MVP: variants seen among roughly 807,000 people sequenced by gnomAD.
MVP encodes lung resistance-related protein.
MVP carries 62 observed loss-of-function variants against 83.5 expected under a neutral mutation model. The observed-to-expected ratio is 0.74, with a 90% CI of 0.61 to 0.92. The LOEUF (loss-of-function observed/expected upper bound fraction) is 0.92, where lower values mean the gene tolerates loss of function less well. Among genes scored for constraint, MVP ranks in the 40% least tolerant of loss-of-function variants. MVP has a pLI of 0.00. For missense variants in MVP, 1,000 were observed against 1,203.4 expected (o/e 0.83, Z 2.50); for synonymous variants, 505 against 504.1 (o/e 1.00, Z -0.02).
chr16:29,831,487 C>T (rs1291931296), intron 3 of MVP, among the ~76,000 whole-genome samples: 1 of 152,102 alleles, frequency 6.6e-6, no homozygotes, highest in Non-Finnish European at 1.5e-5. Flanking sequence ...CAAACCAGGG[C>T]AGTGGGAGGG....
At chr16:29,831,552 T>C (rs2067442413) in intron 3 of MVP, 1 of 454,024 alleles carries the variant, frequency 2.2e-6, no homozygotes. Flanking sequence ...TCACTGTACC[T>C]CCACTCACCT....
intron 1 of MVP, among the ~76,000 whole-genome samples, chr16:29,824,206 C>T (rs1389468012): frequency 2.3e-5 from 2 of 85,924 alleles, no homozygotes; most frequent in Non-Finnish European, 4.2e-5. Context: ...CACGAAACTC[C>T]ATCTCAAAAA....
At chr16:29,826,818 T>C (rs1324532066) in intron 1 of MVP, among the ~76,000 whole-genome samples, 2 of 150,966 alleles carry the variant, frequency 1.3e-5, no homozygotes, top group Non-Finnish European at 2.9e-5. Context: ...TCCCAGCTAC[T>C]TGGGAGGCTG....
At chr16:29,842,162 TTGGGAGGC>T (rs753664270) in intron 10 of MVP, 50 bp downstream of exon 10, 28 of 1,535,296 alleles carry the variant, frequency 1.8e-5, no homozygotes, top group Non-Finnish European at 2.5e-5. Flanking sequence ...TCCCAGCACT[TTGGGAGGC>T]TGAGGTGGGA....
intron 3 of MVP, 63 bp downstream of exon 3, chr16:29,831,136 T>C: frequency 7.1e-7 from 1 of 1,416,948 alleles, no homozygotes. Context: ...TTGGGCTCTA[T>C]ACTGCTGCCT....
chr16:29,830,648 G>A lies in MVP; in HGVS notation c.99G>A (p.Lys33=), dbSNP rs1329359251. The change falls in exon 2 of 15, where the codon AAG becomes AAA. Residue 33 remains lysine (K), a synonymous_variant. Coordinates refer to ENST00000357402, the MANE Select transcript of MVP (RefSeq NM_005115.5). ...SNVSRVEVGP[K]TYIRQDNERV... is the part of the protein sequence containing the mutation. ...TGTCCCGTGTGGAGGTCGGGCCAAA[G>A]ACCTACATCCGGCAGGACAATGAGA... 1 of 1,613,600 alleles carries A rather than the reference G, an allele frequency of 6.2e-7. No homozygotes were observed. The highest frequency in any genetic ancestry group is 1.1e-5 in the South Asian group (1 of 91,066).
intron 1 of MVP, among the ~76,000 whole-genome samples, chr16:29,827,354 G>T (rs1160747467): frequency 6.6e-6 from 1 of 152,210 alleles, no homozygotes. Flanking sequence ...TCAGAATGAG[G>T]CAAGGCAGTG....
At chr16:29,847,074 C>T (rs2067591093) in intron 13 of MVP, 123 bp from the exon 14 acceptor site, 1 of 1,107,646 alleles carries the variant, frequency 9.0e-7, no homozygotes, top group Non-Finnish European at 1.3e-6. Flanking sequence ...CCTGTAGTCC[C>T]AGCTACCCAG....
chr16:29,841,031 T>C lies in MVP; in HGVS notation c.1192-565T>C, dbSNP rs968199144. Among the ~76,000 whole-genome samples the C allele has an allele frequency of 2.6e-5, 4 of 151,980 alleles. No homozygotes were observed. Among genetic ancestry groups the C allele is most frequent in the Non-Finnish European group, 4.4e-5 (3 of 67,980 alleles). ...AGACCTGGTTTCCAGCATAAAGGTCTGATGGGGTGGCCAGGGAACAGGAAG... is the reference window on the plus strand; with the variant it reads ...AGACCTGGTTTCCAGCATAAAGGTCCGATGGGGTGGCCAGGGAACAGGAAG... On this transcript the variant is annotated intron_variant, in intron 8 of 14. Transcript: ENST00000357402. The surrounding 1 kb of genome is among the most constrained non-coding windows in gnomAD (Gnocchi z 4.7).
rs1214676521 is a variant in MVP, at chr16:29,841,989, G to C, written c.1511G>C (p.Arg504Pro). Residue 504 changes from arginine to proline, a missense_variant, in exon 10 of 15, where the codon CGG becomes CCG. Arg to Pro is a moderately radical substitution (Grantham distance 103, BLOSUM62 -2). Coordinates refer to ENST00000357402, the MANE Select transcript of MVP (RefSeq NM_005115.5). The surrounding 1 kb of genome is among the most constrained non-coding windows in gnomAD (Gnocchi z 4.7). ...ACAGTGTTGTCCCTCTCAGCTGGGC[G>C]GCCCAAGCGTCCCCATGCCCGCCGT... ...QFTVLSLSAGRPKRPHARRAL... is the reference protein window; with the variant it reads ...QFTVLSLSAGPPKRPHARRAL... The C allele has an allele frequency of 6.2e-7, 1 of 1,612,444 alleles. No individual in the cohort carries two copies. Among genetic ancestry groups the C allele is most frequent in the Non-Finnish European group, 8.5e-7 (1 of 1,180,046 alleles).
In MVP at chr16:29,847,939, C is replaced by A. The variant is rs1261179969; in HGVS notation, c.2632C>A (p.Gln878Lys). ...PGEGISPQSA[Q>K]APQAPGDNHV... Reference sequence around the variant, plus strand: ...GGAGGGGATATCCCCCCAGTCTGCTCAGGCCCCTCAAGCTCCTGGAGACAA... The same window carrying A: ...GGAGGGGATATCCCCCCAGTCTGCTAAGGCCCCTCAAGCTCCTGGAGACAA... Residue 878 changes from glutamine to lysine, a missense_variant, in exon 15 of 15, where the codon CAG becomes AAG. Physicochemically the swap from Gln to Lys is moderately conservative, Grantham distance 53. Coordinates refer to ENST00000357402, the MANE Select transcript of MVP (RefSeq NM_005115.5). 1 of 1,612,338 alleles carries A rather than the reference C, an allele frequency of 6.2e-7. No individual in the cohort carries two copies. The highest frequency in any genetic ancestry group is 1.3e-5 in the African/African-American group (1 of 74,828).
intron 1 of MVP, among the ~76,000 whole-genome samples, chr16:29,827,067 AAAGAC>A (rs1300132552): frequency 6.6e-6 from 1 of 152,152 alleles, no homozygotes; most frequent in Admixed American, 6.6e-5. Flanking sequence ...TATAGGAAGA[AAAGAC>A]AAGGTCCCCA....
At chr16:29,834,798 G>C (rs1213005045) in intron 5 of MVP, 1 of 149,772 alleles carries the variant, frequency 6.7e-6, no homozygotes, top group African/African-American at 2.5e-5. Context: ...CCATTCTCCT[G>C]CCTCAGCCTC....
Position 29,845,906 on chromosome 16 carries a change from G to A in MVP, c.2065G>A (p.Glu689Lys). 1 of 1,614,150 alleles carries A rather than the reference G, an allele frequency of 6.2e-7. No homozygotes were observed. Among genetic ancestry groups the A allele is most frequent in the Non-Finnish European group, 8.5e-7 (1 of 1,180,012 alleles). Residue 689 changes from glutamate (E) to lysine (K), a missense_variant, in exon 12 of 15, where the codon GAG becomes AAG. Glu to Lys is a moderately conservative substitution (Grantham distance 56). Coordinates refer to ENST00000357402, the MANE Select transcript of MVP (RefSeq NM_005115.5). ...GGAGCAGGAAGCCCGCGGCCGGCTT[G>A]AGCGGCAGAAGATCCTGGACCAGTC... ...RLEQEARGRLERQKILDQSEA... is the reference protein window; with the variant it reads ...RLEQEARGRLKRQKILDQSEA...
In MVP at chr16:29,835,622, C is replaced by T. The variant is rs943902404; in HGVS notation, c.578-82C>T. 3.5e-6 allele frequency: 4 copies of T among 1,138,856 alleles called. No homozygotes were observed. The African/African-American group carries it at 4.6e-5, about 13-fold the overall frequency. 70.5% of individuals were successfully genotyped at this position (1,138,856 alleles called of 1,614,324 possible). A position where few individuals can be genotyped will look rare whatever the true frequency, so the allele number is the denominator to read the frequency against. On this transcript the variant is annotated intron_variant, in intron 5 of 14. Coordinates refer to ENST00000357402, the MANE Select transcript of MVP (RefSeq NM_005115.5). The stretch of plus-strand genomic sequence containing the variant: ...TTTTTGCCTATGAAATCTGTCAATC[C>T]CCTGTGTCTAAGCTGTGGGGGAGGG...
At chr16:29,839,940 G>A (rs1402379859) in intron 7 of MVP, among the ~76,000 whole-genome samples, 1 of 151,914 alleles carries the variant, frequency 6.6e-6, no homozygotes, top group Non-Finnish European at 1.5e-5. Flanking sequence ...GTGGATCCAG[G>A]TCCTGACAGT....
intron 3 of MVP, among the ~76,000 whole-genome samples, chr16:29,832,938 G>A (rs1306908857): frequency 2.0e-5 from 3 of 151,936 alleles, no homozygotes; most frequent in Admixed American, 6.6e-5. Flanking sequence ...GGTGGCATGC[G>A]CCTGTAATCC....
At chr16:29,846,547 C>T (rs867324805) in intron 13 of MVP, among the ~76,000 whole-genome samples, 17 of 152,326 alleles carry the variant, frequency 1.1e-4, no homozygotes, top group South Asian at 6.2e-4. Context: ...TAGGCATTAT[C>T]TTATTTAATG....
At position 29,844,524 on chromosome 16, in the gene MVP, C is replaced by T. The variant is rs1419029159; in HGVS notation, c.1666C>T (p.Gln556Ter). 1 of 1,561,530 alleles carries T rather than the reference C, an allele frequency of 6.4e-7. No individual in the cohort carries two copies. Among genetic ancestry groups the T allele is most frequent in the Middle Eastern group, 1.7e-4 (1 of 5,776 alleles). Reference sequence around the variant, plus strand: ...TGAGGTGAATGACCGGAAGGACCCCCAAGAGACGGCCAAGCTCTTTTCAGT... The same window carrying T: ...TGAGGTGAATGACCGGAAGGACCCCTAAGAGACGGCCAAGCTCTTTTCAGT... ...HFEVNDRKDP[Q>*]ETAKLFSVPD... Residue 556 changes from glutamine to a stop codon, truncating the protein, a stop_gained, in exon 11 of 15, where the codon CAA becomes TAA. Transcript: ENST00000357402. LOFTEE classifies it high-confidence loss of function.
Sources: allele counts gnomAD v4.1 joint callset (sites outside exome capture counted in the v4.1 genomes callset), GRCh38; gene constraint gnomAD v4.1.1; non-coding constraint Gnocchi (gnomAD v3.1); transcripts MANE v1.5; gene names NCBI Gene and HGNC (gene_info 2026-07-23, HGNC 2026-07-21).